The following MIS18BP1 variants were observed in gnomAD, a reference collection of about 807,000 sequenced individuals.
MIS18BP1 encodes mis18-binding protein 1.
MIS18BP1 carries 72 observed loss-of-function variants against 116.1 expected under a neutral mutation model. The observed-to-expected ratio is 0.62, with a 90% confidence interval of 0.51 to 0.75. MIS18BP1 has a LOEUF of 0.75. MIS18BP1 is among the 30% of genes least tolerant of loss of function. The probability of loss-of-function intolerance (pLI) is 0.00; values close to 1 mark genes in which losing one functional copy is unlikely to be tolerated. For synonymous variants in MIS18BP1, 386 were observed against 427.0 expected, an observed-to-expected ratio of 0.90 and a Z score of 1.18; for missense variants, 1,363 against 1,303.2, an observed-to-expected ratio of 1.05 and a Z score of -0.71.
chr14:45,207,212 T>C (rs972603337), intron 14 of MIS18BP1, among the ~76,000 whole-genome samples: 1 of 152,222 alleles, frequency 6.6e-6, no homozygotes, highest in Non-Finnish European at 1.5e-5. Context: ...TACTCTCTCT[T>C]GGCTCTAAGA....
rs11626440 is a variant in MIS18BP1 at position 45,204,057 on chromosome 14, A to C, written c.*52T>G. On this transcript the variant is annotated 3_prime_UTR_variant, in exon 17 of 17. Transcript: ENST00000310806. ...TACATGTACTCCAGTTGAAAATACA[A>C]ACACTGTCTGCTTTATGGTAAAAAT... 0.037 allele frequency: 58,510 copies of C among 1,577,582 alleles called. 1,251 individuals carry two copies. The highest frequency in any genetic ancestry group is 0.044 in the Middle Eastern group (262 of 5,972).
intron 5 of MIS18BP1, among the ~76,000 whole-genome samples, chr14:45,237,012 CT>C (rs11329365): frequency 0.14 from 19,446 of 136,866 alleles, 926 homozygotes; most frequent in African/African-American, 0.23. Flanking sequence ...ACAGTTATAA[CT>C]TTTTTTTTTT....
At chr14:45,242,012 T>A (rs2139235038) in intron 4 of MIS18BP1, 22 bp downstream of exon 4, 1 of 1,563,890 alleles carries the variant, frequency 6.4e-7, no homozygotes, top group Non-Finnish European at 8.6e-7. Flanking sequence ...GAAATAAATA[T>A]CTGTCTTAAA....
intron 13 of MIS18BP1, among the ~76,000 whole-genome samples, chr14:45,213,557 G>T (rs1890732732): frequency 6.6e-6 from 1 of 152,164 alleles, no homozygotes; most frequent in South Asian, 2.1e-4. Flanking sequence ...TAGGTTTTGT[G>T]GTCCAGTCTC....
intron 2 of MIS18BP1, among the ~76,000 whole-genome samples, chr14:45,245,959 G>A (rs760515509): frequency 3.9e-5 from 6 of 151,920 alleles, no homozygotes; most frequent in Admixed American, 6.6e-5. Context: ...TCCTCCTTCC[G>A]TCTGTCCTAG....
intron 10 of MIS18BP1, 85 bp downstream of exon 10, chr14:45,226,657 AT>A (rs1891129520): frequency 9.2e-7 from 1 of 1,083,104 alleles, no homozygotes; most frequent in African/African-American, 1.7e-5. Flanking sequence ...ACATGAGGAA[AT>A]TTACAAGATC....
chr14:45,204,435 T>C lies in MIS18BP1; in HGVS notation c.3259A>G (p.Thr1087Ala), dbSNP rs766982048. The C allele has an allele frequency of 8.7e-6, 14 of 1,604,136 alleles. No homozygotes were observed. The Admixed American group carries it at 1.4e-4, about 16-fold the overall frequency. ...GGGGTTTTCCTTCTTGGTGTTGGAG[T>C]TGAGAAATCAGTTTCAACCTATAAA... ...KKKLVETDFS[T>A]PTPRRKTPFN... Residue 1087 changes from threonine (T) to alanine (A), a missense_variant, in exon 16 of 17, where the codon ACT (threonine) becomes GCT (alanine). Thr to Ala is a moderately conservative substitution (Grantham distance 58, BLOSUM62 0). Transcript: ENST00000310806.
chr14:45,210,679 T>C, intron 13 of MIS18BP1, 151 bp from the exon 14 acceptor site: 1 of 838,018 alleles, frequency 1.2e-6, no homozygotes, highest in South Asian at 1.7e-5. Context: ...GAGTAGAGGC[T>C]AGAGGAACTC....
intron 1 of MIS18BP1, among the ~76,000 whole-genome samples, chr14:45,249,660 C>T (rs1891815677): frequency 6.6e-6 from 1 of 152,146 alleles, no homozygotes; most frequent in African/African-American, 2.4e-5. Flanking sequence ...CACTTGAGGT[C>T]AGGGGTTCAA....
rs545162390 is a variant in MIS18BP1 at position 45,235,949 on chromosome 14, GA to G, written c.1218-6del. On this transcript the variant is annotated splice_region_variant and splice_polypyrimidine_tract_variant and intron_variant, in intron 5 of 16. Coordinates refer to ENST00000310806, the MANE Select transcript of MIS18BP1 (RefSeq NM_018353.5). ...CAATATATGTTAGTGACGTCTCTAG[GA>G]AAAAAAAATAGTTTTGGTAAGGTCA... 8.5e-5 allele frequency: 133 copies of G among 1,560,542 alleles called. No homozygotes were observed. Among genetic ancestry groups the G allele is most frequent in the South Asian group, 2.5e-4 (21 of 83,784 alleles).
At position 45,247,156 on chromosome 14, in the gene MIS18BP1, T is replaced by G. The variant is rs778258472; in HGVS notation, c.131A>C (p.Asp44Ala). The G allele has an allele frequency of 6.2e-7, 1 of 1,612,966 alleles. No homozygotes were observed. The highest frequency in any genetic ancestry group is 1.7e-5 in the Admixed American group (1 of 59,996). The change falls in exon 2 of 17, where the codon GAT becomes GCT. Residue 44 changes from aspartate to alanine, a missense_variant. Physicochemically the swap from Asp to Ala is moderately radical, Grantham distance 126 (BLOSUM62 -2). Transcript: ENST00000310806. ...IPSGTLTPVK[D>A]LVKYQNSSLK... ...GGAGGAGTTCTGATATTTCACCAAATCTTTTACAGGAGTAAGTGTGCCTGA... is the reference window on the plus strand; with the variant it reads ...GGAGGAGTTCTGATATTTCACCAAAGCTTTTACAGGAGTAAGTGTGCCTGA...
rs763371439 is a variant in MIS18BP1 at position 45,242,497 on chromosome 14, T to C, written c.680A>G (p.Glu227Gly). ...TTCTACAGCCAAAAAATTTTCCTGT[T>C]CTTGGTTCAGAGTTGGAAGTTCTGC... ...LTYELPTLNQ[E>G]QENFLAVEAR... The change falls in exon 4 of 17, where the codon GAA (glutamate) becomes GGA (glycine). Residue 227 changes from glutamate (E) to glycine (G), a missense_variant. Glu to Gly is a moderately conservative substitution (Grantham distance 98, BLOSUM62 -2). Coordinates refer to ENST00000310806, the MANE Select transcript of MIS18BP1 (RefSeq NM_018353.5). The C allele has an allele frequency of 1.1e-5, 18 of 1,593,938 alleles. No homozygotes were observed. Among genetic ancestry groups the C allele is most frequent in the South Asian group, 9.2e-5 (8 of 87,096 alleles).
chr14:45,219,151 C>T (rs1342417769), intron 11 of MIS18BP1, among the ~76,000 whole-genome samples: 1 of 152,162 alleles, frequency 6.6e-6, no homozygotes, highest in African/African-American at 2.4e-5. Flanking sequence ...ATCTATGTAA[C>T]TCATCAATTA....
At chr14:45,220,282 C>A (rs939420875) in intron 11 of MIS18BP1, among the ~76,000 whole-genome samples, 2 of 152,050 alleles carry the variant, frequency 1.3e-5, no homozygotes, top group African/African-American at 2.4e-5. Context: ...TCCAAATATG[C>A]CCTCTTTCTT....
Position 45,247,379 on chromosome 14 carries a change from T to G in MIS18BP1, c.-91-2A>C. Reference sequence around the variant, plus strand: ...ACTTCAGAAGGGATCCACAGAAACCTGTAGTTCAACGTAAAATCAGCCTTT... The same window carrying G: ...ACTTCAGAAGGGATCCACAGAAACCGGTAGTTCAACGTAAAATCAGCCTTT... On this transcript the variant is annotated splice_acceptor_variant, in intron 1 of 16. Coordinates refer to ENST00000310806, the MANE Select transcript of MIS18BP1 (RefSeq NM_018353.5). LOFTEE classifies it low-confidence loss of function (5UTR_SPLICE). 1 of 1,079,614 alleles carries G rather than the reference T, an allele frequency of 9.3e-7. No individual in the cohort carries two copies. The highest frequency in any genetic ancestry group is 1.3e-6 in the Non-Finnish European group (1 of 769,802). The allele number at this position is 1,079,614 out of a possible 1,614,324, so 66.9% of individuals were successfully genotyped here. A position where few individuals can be genotyped will look rare whatever the true frequency, so the allele number is the denominator to read the frequency against.
rs563064940 is a variant in MIS18BP1 at position 45,242,143 on chromosome 14, G to A, written c.1034C>T (p.Ala345Val). Residue 345 changes from alanine to valine, a missense_variant, in exon 4 of 17, where the codon GCA becomes GTA. By Grantham distance (64) the Ala-to-Val change is moderately conservative (BLOSUM62 0). Coordinates refer to ENST00000310806, the MANE Select transcript of MIS18BP1 (RefSeq NM_018353.5). Reference sequence around the variant, plus strand: ...TATTGTTATATGAAGTCTTGGTGTTGCAAGTACAATTTTACATGTATCTTT... The same window carrying A: ...TATTGTTATATGAAGTCTTGGTGTTACAAGTACAATTTTACATGTATCTTT... ...SMKDTCKIVL[A>V]TPRLHITIPR... 9 of 1,613,854 alleles carry A rather than the reference G, an allele frequency of 5.6e-6. No individual in the cohort carries two copies. The highest frequency in any genetic ancestry group is 6.8e-6 in the Non-Finnish European group (8 of 1,179,984).
At position 45,235,381 on chromosome 14, in the gene MIS18BP1, TGG is replaced by T. The variant is rs530813215; in HGVS notation, c.1348+431_1348+432del. On this transcript the variant is annotated intron_variant, in intron 6 of 16. Transcript: ENST00000310806. ...ATTGCATCATTTTTTTGTGCCATGT[TGG>T]AAGTGGTCATGCACAGGACCAGCCT... Among the ~76,000 whole-genome samples, 172 of 152,022 alleles carry T rather than the reference TGG, an allele frequency of 1.1e-3. 2 individuals are homozygous for T. Among genetic ancestry groups the T allele is most frequent in the Admixed American group, 4.5e-3 (69 of 15,286 alleles).
rs1183301686 is a variant in MIS18BP1, at chr14:45,204,113, G to A, written c.3395C>T (p.Ala1132Val). 6.8e-6 allele frequency: 11 copies of A among 1,608,302 alleles called. No individual in the cohort carries two copies. Among genetic ancestry groups the A allele is most frequent in the Non-Finnish European group, 9.3e-6 (11 of 1,178,142 alleles). Residue 1132 changes from alanine to valine, a missense_variant, in exon 17 of 17, where the codon GCA becomes GTA. By Grantham distance (64) the Ala-to-Val change is moderately conservative. Transcript: ENST00000310806. ...KDYYFSNSDS[A>V] ...GAATCATATTTTCTCATTTTACTAT[G>A]CAGAATCAGAGTTCGAAAAATAATA...
intron 13 of MIS18BP1, among the ~76,000 whole-genome samples, chr14:45,216,699 AC>A (rs1379184119): frequency 6.6e-6 from 1 of 152,162 alleles, no homozygotes; most frequent in Admixed American, 6.5e-5. Context: ...CCTTTCAATT[AC>A]TACACAGTAT....
Sources: gnomAD v4.1 joint callset for allele counts (sites outside exome capture counted in the v4.1 genomes callset) on GRCh38, gnomAD v4.1.1 for gene constraint, MANE v1.5 for transcripts, NCBI Gene and HGNC (gene_info 2026-07-23, HGNC 2026-07-21) for gene names.